The following UNC93B1 variants were observed in gnomAD, a reference collection of about 807,000 sequenced individuals.
UNC93B1 encodes protein unc-93 homolog B1.
UNC93B1 carries 33 observed loss-of-function variants against 56.8 expected under a neutral mutation model. That is an observed-to-expected ratio of 0.58 (90% CI 0.44 to 0.78). The LOEUF (loss-of-function observed/expected upper bound fraction) is 0.78, where lower values mean the gene tolerates loss of function less well. Ranked by LOEUF, UNC93B1 falls within the 30% of genes least tolerant of loss-of-function variation. UNC93B1 has a pLI of 0.00. For synonymous variants in UNC93B1, 334 were observed against 358.6 expected (o/e 0.93, Z 0.77); for missense variants, 673 against 819.5 (o/e 0.82, Z 2.18).
At chr11:68,002,834 G>T (rs1393765742) in intron 3 of UNC93B1, among the ~76,000 whole-genome samples, 188 bp downstream of exon 3, 1 of 152,182 alleles carries the variant, frequency 6.6e-6, no homozygotes, top group African/African-American at 2.4e-5. Context: ...CTGAGGCAAA[G>T]TTCCTGTTTC....
In UNC93B1 at chr11:67,991,777, G is replaced by C. The variant is rs1856847629; in HGVS notation, c.1563C>G (p.Gly521=). Residue 521 remains glycine, a synonymous_variant, in exon 11 of 11, where the codon GGC becomes GGG. Coordinates refer to ENST00000227471, the MANE Select transcript of UNC93B1 (RefSeq NM_030930.4). ...GGATGCGGGGCTGGCGCGGGGCCAC[G>C]CCCCGGCGCAGCTTCTGCTCCATCC... ...YLRMEQKLRR[G]VAPRQPRIPR... The C allele has an allele frequency of 7.8e-6, 12 of 1,539,940 alleles. No individual in the cohort carries two copies. The highest frequency in any genetic ancestry group is 1.0e-5 in the Non-Finnish European group (12 of 1,150,518).
At chr11:68,002,880 A>T in intron 3 of UNC93B1, 142 bp downstream of exon 3, 1 of 1,146,432 alleles carries the variant, frequency 8.7e-7, no homozygotes, top group Non-Finnish European at 1.2e-6. Context: ...CTTCACTCTC[A>T]GGCTTCCGGG....
intron 3 of UNC93B1, among the ~76,000 whole-genome samples, chr11:68,001,037 A>C (rs956587686): frequency 7.2e-5 from 11 of 152,064 alleles, no homozygotes; most frequent in African/African-American, 1.2e-4. Flanking sequence ...TTTACTAAAA[A>C]TACAAAAAAT....
rs146648117 is a variant in UNC93B1 at position 67,999,383 on chromosome 11, C to A, written c.555-78G>T. 2.9e-3 allele frequency: 4,471 copies of A among 1,555,460 alleles called. 24 individuals are homozygous for A. In the Middle Eastern group the frequency reaches 0.038, roughly 13 times the overall value. On this transcript the variant is annotated intron_variant, in intron 4 of 10. Coordinates refer to ENST00000227471, the MANE Select transcript of UNC93B1 (RefSeq NM_030930.4). The stretch of plus-strand genomic sequence containing the variant: ...TGTGTCCTGCACCCAGAGCTAGGAG[C>A]AGACCAGCCCCGGTGTGGGGAAACT...
At chr11:68,001,610 G>A (rs532103505) in intron 3 of UNC93B1, among the ~76,000 whole-genome samples, 4 of 151,890 alleles carry the variant, frequency 2.6e-5, no homozygotes, top group Non-Finnish European at 4.4e-5. Context: ...AGCTGTGTTC[G>A]TGCCACTGCA....
chr11:68,001,981 T>C (rs1215980777), intron 3 of UNC93B1, among the ~76,000 whole-genome samples: 1 of 151,668 alleles, frequency 6.6e-6, no homozygotes, highest in Non-Finnish European at 1.5e-5. Context: ...CCATCTCTAC[T>C]AAAAGTACAA....
In UNC93B1 at chr11:68,003,969, G is replaced by C; in HGVS notation, c.75C>G (p.Val25=). The C allele has an allele frequency of 7.2e-7, 1 of 1,396,272 alleles. No individual in the cohort carries two copies. Among genetic ancestry groups the C allele is most frequent in the Non-Finnish European group, 9.3e-7 (1 of 1,071,738 alleles). The allele number at this position is 1,396,272 out of a possible 1,614,324, so 86.5% of individuals were successfully genotyped here. The part of the protein sequence containing the change: ...GPQGDEDLLG[V]PDGPEAPLDE... ...TCACCGGGGCCTCGGGCCCGTCCGG[G>C]ACCCCGAGCAGGTCCTCGTCGCCCT... Residue 25 remains valine, a synonymous_variant, in exon 1 of 11, where the codon GTC becomes GTG. Transcript: ENST00000227471. The surrounding 1 kb of genome is among the most constrained non-coding windows in gnomAD (Gnocchi z 4.4).
chr11:67,992,577 A>G (rs555325687), intron 10 of UNC93B1, among the ~76,000 whole-genome samples: 2 of 151,030 alleles, frequency 1.3e-5, no homozygotes, highest in African/African-American at 4.9e-5. Flanking sequence ...GCCTCAAGCA[A>G]TCCTCCTGCC....
intron 3 of UNC93B1, among the ~76,000 whole-genome samples, chr11:68,001,066 G>A (rs998037580): frequency 2.0e-5 from 3 of 151,642 alleles, no homozygotes; most frequent in African/African-American, 4.9e-5. Flanking sequence ...CGTGGTGGCG[G>A]GCGCCTGTAA....
intron 10 of UNC93B1, 136 bp downstream of exon 10, chr11:67,993,540 G>C (rs1856883865): frequency 1.5e-6 from 1 of 645,624 alleles, no homozygotes; most frequent in African/African-American, 1.8e-5. Flanking sequence ...GGGCCACCCA[G>C]TGGGCTGCAG....
In UNC93B1 at chr11:68,003,946, A is replaced by ACCGGGGCCTCGGGCCCGT; in HGVS notation, c.80_96+1dup. ...CGCCTCGCACTCCGGGTCCCCGCTC[A>ACCGGGGCCTCGGGCCCGT]CCGGGGCCTCGGGCCCGTCCGGGAC... is the stretch of plus-strand genomic sequence containing the variant. On this transcript the variant is annotated splice_donor_variant, in intron 1 of 10. Coordinates refer to ENST00000227471, the MANE Select transcript of UNC93B1 (RefSeq NM_030930.4). LOFTEE classifies it high-confidence loss of function. This position sits in a 1 kb window ranked among gnomAD's most constrained non-coding sequence, Gnocchi z 4.4. 2.9e-6 allele frequency: 4 copies of ACCGGGGCCTCGGGCCCGT among 1,378,678 alleles called. No homozygotes were observed. Among genetic ancestry groups the ACCGGGGCCTCGGGCCCGT allele is most frequent in the Non-Finnish European group, 2.8e-6 (3 of 1,062,008 alleles). 85.4% of individuals were successfully genotyped at this position (1,378,678 alleles called of 1,614,324 possible). A position where few individuals can be genotyped will look rare whatever the true frequency, so the allele number is the denominator to read the frequency against.
At chr11:68,002,446 G>A (rs1857062305) in intron 3 of UNC93B1, among the ~76,000 whole-genome samples, 1 of 152,132 alleles carries the variant, frequency 6.6e-6, no homozygotes, top group Non-Finnish European at 1.5e-5. Context: ...TTGTTTTAAA[G>A]ATGAGGGAGC....
Position 67,995,863 on chromosome 11 carries a change from C to A in UNC93B1, c.1111G>T (p.Gly371Trp). ...AGGAGGTAAGCCAGCCGCTCCAGCC[C>A]CACCGAGCACACGCCATAGCCCTGC... ...IALGYGVCSV[G>W]LERLAYLLVA... is the part of the protein sequence containing the mutation. The change falls in exon 9 of 11, where the codon GGG (glycine) becomes TGG (tryptophan). Residue 371 changes from glycine to tryptophan, a missense_variant. Coordinates refer to ENST00000227471, the MANE Select transcript of UNC93B1 (RefSeq NM_030930.4). 3 of 1,531,628 alleles carry A rather than the reference C, an allele frequency of 2.0e-6. No homozygotes were observed. The highest frequency in any genetic ancestry group is 2.6e-6 in the Non-Finnish European group (3 of 1,141,406). The allele number at this position is 1,531,628 out of a possible 1,614,324, so 94.9% of individuals were successfully genotyped here.
chr11:67,997,889 G>C, intron 6 of UNC93B1, 90 bp from the exon 7 acceptor site: 1 of 1,533,764 alleles, frequency 6.5e-7, no homozygotes. Flanking sequence ...AGGCCGCGGA[G>C]GAGCGGTGGA....
chr11:67,996,442 G>C (rs145915617), intron 8 of UNC93B1, among the ~76,000 whole-genome samples, 160 bp downstream of exon 8: 2 of 152,288 alleles, frequency 1.3e-5, no homozygotes, highest in African/African-American at 4.8e-5. Context: ...GTAAAGGGGG[G>C]ACGGGGGTAA....
chr11:67,994,951 C>T (rs1458656166), intron 9 of UNC93B1, among the ~76,000 whole-genome samples: 1 of 152,200 alleles, frequency 6.6e-6, no homozygotes, highest in African/African-American at 2.4e-5. Context: ...GAACATGGGC[C>T]CACCCGCTGC....
chr11:67,996,674 G>GCACCT lies in UNC93B1; in HGVS notation c.1016_1017insAGGTG (p.Leu340GlyfsTer111). ...TAAAGAAAGGCACGAGGTGGCGCAG[G>GCACCT]CGGTAGTCACGCACGTGCTTGAAGG... On this transcript the variant is annotated frameshift_variant, in exon 8 of 11. Transcript: ENST00000227471. LOFTEE classifies it high-confidence loss of function. The GCACCT allele has an allele frequency of 6.4e-7, 1 of 1,551,632 alleles. No homozygotes were observed. Among genetic ancestry groups the GCACCT allele is most frequent in the African/African-American group, 1.4e-5 (1 of 73,168 alleles).
rs2134359442 is a variant in UNC93B1, at chr11:67,995,802, A to T, written c.1172T>A (p.Leu391His). ...CAGCCACAGGCCCAGCAGGCCCAGG[A>T]GTGAGGCGGCTGAGGCGCCCAGGCT... The part of the protein sequence containing the change: ...AYSLGASAAS[L>H]LGLLGLWLPR... The change falls in exon 9 of 11, where the codon CTC becomes CAC. Residue 391 changes from leucine to histidine, a missense_variant. By Grantham distance (99) the Leu-to-His change is moderately conservative (BLOSUM62 -3). This residue lies in a region of UNC93B1 where 155 missense variants were observed against 268.3 expected (regional missense o/e 0.58). Transcript: ENST00000227471. 1.9e-6 allele frequency: 3 copies of T among 1,547,324 alleles called. No individual in the cohort carries two copies. Among genetic ancestry groups the T allele is most frequent in the Non-Finnish European group, 2.6e-6 (3 of 1,146,484 alleles).
intron 3 of UNC93B1, among the ~76,000 whole-genome samples, chr11:68,002,134 G>A (rs149239786): frequency 9.5e-5 from 14 of 147,232 alleles, no homozygotes; most frequent in African/African-American, 3.0e-4. Flanking sequence ...GCAAGTATCT[G>A]TCTCAAAAAA....
Sources: allele counts gnomAD v4.1 joint callset (sites outside exome capture counted in the v4.1 genomes callset), GRCh38; gene constraint gnomAD v4.1.1; regional missense constraint gnomAD v4.1.1; non-coding constraint Gnocchi (gnomAD v3.1); transcripts MANE v1.5; gene names NCBI Gene and HGNC (gene_info 2026-07-23, HGNC 2026-07-21).